The following NAALADL2 variants were observed in gnomAD, a reference collection of about 807,000 sequenced individuals.
NAALADL2 encodes N-acetylated alpha-linked acidic dipeptidase like 2, also known as inactive N-acetylated-alpha-linked acidic dipeptidase-like protein 2.
A neutral mutation model predicts 87.2 loss-of-function variants in NAALADL2; 76 were observed. The ratio of observed to expected loss-of-function variants is 0.87; its 90% CI spans 0.72 to 1.05. NAALADL2 has a LOEUF of 1.05. Ranked by LOEUF, NAALADL2 falls within the 50% of genes least tolerant of loss-of-function variation. The pLI, the probability that NAALADL2 is intolerant of heterozygous loss-of-function variation, is 0.00. For missense variants in NAALADL2, 1,089 were observed against 945.8 expected, an observed-to-expected ratio of 1.15 and a Z score of -1.99; for synonymous variants, 354 against 331.0, an observed-to-expected ratio of 1.07 and a Z score of -0.75.
At chr3:175,112,973 A>T (rs1208468594) in intron 2 of NAALADL2, among the ~76,000 whole-genome samples, 1 of 151,668 alleles carries the variant, frequency 6.6e-6, no homozygotes. Context: ...GAACAAAGAC[A>T]TGGAGGTAAG....
chr3:175,568,269 A>G (rs555208575), intron 9 of NAALADL2, among the ~76,000 whole-genome samples: 3 of 152,302 alleles, frequency 2.0e-5, no homozygotes, highest in African/African-American at 7.2e-5. Flanking sequence ...TCTGCAATGC[A>G]TCATTAAATA....
At chr3:175,525,140 T>C (rs1259017697) in intron 9 of NAALADL2, among the ~76,000 whole-genome samples, 1 of 152,118 alleles carries the variant, frequency 6.6e-6, no homozygotes, top group Non-Finnish European at 1.5e-5. Flanking sequence ...GTTTGATAGA[T>C]TCTGGAAATT....
chr3:175,656,737 G>GTA (rs1435777661), intron 11 of NAALADL2, among the ~76,000 whole-genome samples: 1 of 150,878 alleles, frequency 6.6e-6, no homozygotes, highest in Non-Finnish European at 1.5e-5. Flanking sequence ...GTGTGTGTGT[G>GTA]TATGTGTGTG....
intron 1 of NAALADL2, among the ~76,000 whole-genome samples, chr3:175,006,074 C>T (rs1236235992): frequency 6.6e-6 from 1 of 152,160 alleles, no homozygotes. Context: ...TTGCCAGGTT[C>T]CTGATCATTA....
intron 5 of NAALADL2, among the ~76,000 whole-genome samples, chr3:175,394,512 G>A (rs150649415): frequency 9.1e-4 from 139 of 152,048 alleles, no homozygotes; most frequent in African/African-American, 3.1e-3. Flanking sequence ...AAACACTACC[G>A]ATATTTTTTA....
intron 1 of NAALADL2, among the ~76,000 whole-genome samples, chr3:174,476,068 ATGT>A (rs1304097660): frequency 4.6e-5 from 7 of 152,114 alleles, no homozygotes; most frequent in South Asian, 2.1e-4. Context: ...ACAACTTAAA[ATGT>A]TGTTGTTGTT....
intron 13 of NAALADL2, among the ~76,000 whole-genome samples, chr3:175,769,955 T>G (rs973152165): frequency 3.4e-5 from 5 of 147,114 alleles, no homozygotes; most frequent in Admixed American, 3.4e-4. Context: ...TAAGGCAGAT[T>G]TTTTTTTTCT....
intron 5 of NAALADL2, among the ~76,000 whole-genome samples, chr3:175,356,997 C>A (rs1329622036): frequency 6.6e-6 from 1 of 152,104 alleles, no homozygotes; most frequent in Non-Finnish European, 1.5e-5. Flanking sequence ...ATTTTGGAGT[C>A]TCTTTGCTTA....
chr3:175,314,168 T>A (rs539568902), intron 4 of NAALADL2, among the ~76,000 whole-genome samples: 1 of 152,074 alleles, frequency 6.6e-6, no homozygotes, highest in South Asian at 2.1e-4. Flanking sequence ...TACTGCCGTG[T>A]CCTGCCCATA....
At chr3:174,718,220 CTTAT>C (rs1731387080) in intron 2 of NAALADL2, among the ~76,000 whole-genome samples, 1 of 152,026 alleles carries the variant, frequency 6.6e-6, no homozygotes, top group Non-Finnish European at 1.5e-5. Context: ...ATTTTTGGGG[CTTAT>C]TTATCTTTCC....
At chr3:175,604,368 A>G (rs1228860643) in intron 10 of NAALADL2, among the ~76,000 whole-genome samples, 1 of 134,302 alleles carries the variant, frequency 7.4e-6, no homozygotes, top group African/African-American at 2.9e-5. Context: ...CAGTGGTGCC[A>G]TCTCCGCTCA....
intron 1 of NAALADL2, among the ~76,000 whole-genome samples, chr3:174,938,484 A>T (rs1738045405): frequency 6.6e-6 from 1 of 152,182 alleles, no homozygotes; most frequent in African/African-American, 2.4e-5. Context: ...TGCAATGAAC[A>T]TTCGTGTGCC....
intron 2 of NAALADL2, among the ~76,000 whole-genome samples, chr3:174,554,355 T>G (rs1374687144): frequency 6.6e-6 from 1 of 152,114 alleles, no homozygotes; most frequent in Non-Finnish European, 1.5e-5. Context: ...TGAAATTTAA[T>G]AAATATACTG....
intron 3 of NAALADL2, among the ~76,000 whole-genome samples, chr3:174,747,932 T>C (rs954704965): frequency 1.3e-5 from 2 of 152,214 alleles, no homozygotes; most frequent in African/African-American, 2.4e-5. Flanking sequence ...CAATGATGCA[T>C]TGGATGAAGA....
intron 1 of NAALADL2, among the ~76,000 whole-genome samples, chr3:174,895,285 C>G (rs1361006684): frequency 6.7e-6 from 1 of 150,168 alleles, no homozygotes; most frequent in Non-Finnish European, 1.5e-5. Context: ...AAAATTTTAG[C>G]CAGATTAAGA....
chr3:174,663,712 A>C (rs538048666), intron 2 of NAALADL2, among the ~76,000 whole-genome samples: 1 of 152,168 alleles, frequency 6.6e-6, no homozygotes, highest in South Asian at 2.1e-4. Flanking sequence ...TTTTAACATA[A>C]ATTTTGTAGG....
At chr3:174,570,739 C>T (rs1331272062) in intron 2 of NAALADL2, among the ~76,000 whole-genome samples, 1 of 152,044 alleles carries the variant, frequency 6.6e-6, no homozygotes, top group Non-Finnish European at 1.5e-5. Flanking sequence ...AACTTTTAGG[C>T]CCTGATTCTA....
intron 11 of NAALADL2, among the ~76,000 whole-genome samples, chr3:175,714,193 G>A (rs890331240): frequency 1.6e-4 from 24 of 152,090 alleles, no homozygotes; most frequent in African/African-American, 4.6e-4. Flanking sequence ...ATAAACATAC[G>A]TGTGCATGTG....
chr3:175,611,904 T>G (rs150677098), intron 10 of NAALADL2, among the ~76,000 whole-genome samples: 6 of 152,270 alleles, frequency 3.9e-5, no homozygotes, highest in African/African-American at 1.4e-4. Flanking sequence ...AATTTTTGCT[T>G]TAGTGAATTG....
Sources: gnomAD v4.1 joint callset for allele counts (sites outside exome capture counted in the v4.1 genomes callset) on GRCh38, gnomAD v4.1.1 for gene constraint, MANE v1.5 for transcripts, NCBI Gene and HGNC (gene_info 2026-07-23, HGNC 2026-07-21) for gene names.